Variants in KCNMA1 observed in about 807,000 individuals in gnomAD.
KCNMA1 encodes the protein Calcium-activated potassium channel subunit alpha-1.
In KCNMA1, 29 loss-of-function variants were observed where a neutral mutation model predicts 140.0. That is an observed-to-expected ratio of 0.21 (90% CI 0.15 to 0.28). KCNMA1 has a LOEUF of 0.28. KCNMA1 is among the 10% of genes least tolerant of loss of function. The pLI is 1.00. For synonymous variants in KCNMA1, 612 were observed against 611.9 expected (o/e 1.00, Z 0.00); for missense variants, 880 against 1,602.2 (o/e 0.55, Z 7.70).
intron 21 of KCNMA1, chr10:76,952,288 A>G: frequency 1.0e-6 from 1 of 976,966 alleles, no homozygotes; most frequent in South Asian, 1.9e-5. Context: ...TGGGAGGCCA[A>G]GGTTGGCGGA....
At chr10:77,142,231 C>T (rs527399509) in intron 5 of KCNMA1, among the ~76,000 whole-genome samples, 3 of 151,672 alleles carry the variant, frequency 2.0e-5, no homozygotes, top group African/African-American at 4.8e-5. Flanking sequence ...ATTAGCCGGG[C>T]GTGGTGGCAG....
intron 25 of KCNMA1, chr10:76,904,071 A>T (rs922449381): frequency 3.3e-5 from 5 of 152,242 alleles, no homozygotes; most frequent in African/African-American, 1.2e-4. Context: ...CTTTGTAATT[A>T]CATGTGATCT....
chr10:76,929,355 A>C (rs2058679398), intron 23 of KCNMA1, among the ~76,000 whole-genome samples: 1 of 152,194 alleles, frequency 6.6e-6, no homozygotes, highest in Non-Finnish European at 1.5e-5. Flanking sequence ...TAGGTATTCA[A>C]AGAATTGTTT....
At chr10:77,135,501 T>C (rs1596770001) in intron 5 of KCNMA1, among the ~76,000 whole-genome samples, 1 of 152,258 alleles carries the variant, frequency 6.6e-6, no homozygotes, top group Middle Eastern at 3.4e-3. Flanking sequence ...TGGGTATATA[T>C]TCAGAGGAAA....
At chr10:77,512,895 C>T (rs551168671) in intron 1 of KCNMA1, among the ~76,000 whole-genome samples, 32 of 152,302 alleles carry the variant, frequency 2.1e-4, no homozygotes, top group Admixed American at 1.2e-3. Context: ...TATTAACTCC[C>T]ACCAGGACAA....
At chr10:77,510,848 T>G (rs576136295) in intron 1 of KCNMA1, among the ~76,000 whole-genome samples, 18 of 152,304 alleles carry the variant, frequency 1.2e-4, no homozygotes, top group African/African-American at 3.8e-4. Flanking sequence ...TATTGACCAC[T>G]GAACACCTTT....
chr10:77,296,908 T>TGGGGGGGG (rs781675116), intron 2 of KCNMA1, among the ~76,000 whole-genome samples: 2 of 80,250 alleles, frequency 2.5e-5, no homozygotes, highest in Admixed American at 1.2e-4. Flanking sequence ...CCTGGGTGTG[T>TGGGGGGGG]GGGCGGGGGG....
In KCNMA1 at chr10:77,189,326, C is replaced by A. The variant is rs576589074; in HGVS notation, c.603-4410G>T. ...CAGCCCCCAGATAACCAGCTGCCTA[C>A]CACTTAGCTAATTGCTGGGATCAAG... On this transcript the variant is annotated intron_variant, in intron 3 of 27. Transcript: ENST00000286628. Among the ~76,000 whole-genome samples, 4 of 152,154 alleles carry A rather than the reference C, an allele frequency of 2.6e-5. No homozygotes were observed. The East Asian group carries it at 7.7e-4, about 29-fold the overall frequency.
At chr10:77,146,701 C>CAAAAAAAAAAAA (rs5786266) in intron 5 of KCNMA1, among the ~76,000 whole-genome samples, 75 of 64,194 alleles carry the variant, frequency 1.2e-3, no homozygotes, top group Non-Finnish European at 1.6e-3. Context: ...GACTTCATCT[C>CAAAAAAAAAAAA]AAAAAAAAAA....
chr10:77,260,272 G>C (rs1221545658), intron 2 of KCNMA1, among the ~76,000 whole-genome samples: 1 of 152,194 alleles, frequency 6.6e-6, no homozygotes, highest in East Asian at 1.9e-4. Flanking sequence ...CCCTGAATAG[G>C]GGGAGGGGCC....
At chr10:77,330,267 T>C (rs2085863734) in intron 2 of KCNMA1, among the ~76,000 whole-genome samples, 1 of 152,170 alleles carries the variant, frequency 6.6e-6, no homozygotes, top group Admixed American at 6.5e-5. Context: ...AGAGAGCTTA[T>C]ACACCCTCAG....
chr10:77,401,958 C>T (rs1254457082), intron 2 of KCNMA1, among the ~76,000 whole-genome samples: 1 of 152,168 alleles, frequency 6.6e-6, no homozygotes, highest in African/African-American at 2.4e-5. Flanking sequence ...TCCTTGTTTT[C>T]TCCAGAGCTG....
At chr10:77,333,350 C>CAAAAAA (rs68185333) in intron 2 of KCNMA1, among the ~76,000 whole-genome samples, 1 of 105,608 alleles carries the variant, frequency 9.5e-6, no homozygotes, top group Non-Finnish European at 2.0e-5. Context: ...CCATGTCTAC[C>CAAAAAA]AAAAAAAAAA....
intron 18 of KCNMA1, among the ~76,000 whole-genome samples, chr10:77,001,811 A>G (rs2086566343): frequency 6.6e-6 from 1 of 152,228 alleles, no homozygotes; most frequent in East Asian, 1.9e-4. Context: ...GCTGTTGCAC[A>G]TGATTTTTCT....
chr10:77,610,649 G>T (rs1345898037), intron 1 of KCNMA1, among the ~76,000 whole-genome samples: 1 of 152,218 alleles, frequency 6.6e-6, no homozygotes, highest in Non-Finnish European at 1.5e-5. Flanking sequence ...CACATATTGT[G>T]TGATTCCACT....
chr10:77,391,246 A>C (rs2095809610), intron 2 of KCNMA1, among the ~76,000 whole-genome samples: 1 of 152,182 alleles, frequency 6.6e-6, no homozygotes, highest in Non-Finnish European at 1.5e-5. Context: ...TGGTGCAAAC[A>C]GGTTTAATGG....
At chr10:77,306,807 AG>A (rs1232577206) in intron 2 of KCNMA1, among the ~76,000 whole-genome samples, 1 of 152,222 alleles carries the variant, frequency 6.6e-6, no homozygotes, top group African/African-American at 2.4e-5. Flanking sequence ...TCTAGGAGGT[AG>A]GACCGATTAG....
intron 21 of KCNMA1, chr10:76,952,014 A>C (rs534440015): frequency 1.3e-6 from 2 of 1,549,940 alleles, no homozygotes; most frequent in East Asian, 4.9e-5. Flanking sequence ...GTTATTTTTC[A>C]TAGGATAGAA....
At chr10:77,345,377 GC>G (rs11293097) in intron 2 of KCNMA1, among the ~76,000 whole-genome samples, 6,249 of 152,270 alleles carry the variant, frequency 0.041, 173 homozygotes, top group Non-Finnish European at 0.063. Context: ...GCCAGGTGGT[GC>G]CTCCCTAATC....
Sources: gnomAD v4.1 joint callset for allele counts (sites outside exome capture counted in the v4.1 genomes callset) on GRCh38, gnomAD v4.1.1 for gene constraint, MANE v1.5 for transcripts, NCBI Gene and HGNC (gene_info 2026-07-23, HGNC 2026-07-21) for gene names.